Variants in POMGNT2 observed in about 807,000 individuals in gnomAD.
POMGNT2 encodes protein O-linked-mannose beta-1,4-N-acetylglucosaminyltransferase 2.
A neutral mutation model predicts 37.8 loss-of-function variants in POMGNT2; 32 were observed. That is an observed-to-expected ratio of 0.85 (90% CI 0.64 to 1.14). POMGNT2 has a LOEUF of 1.14. Among genes scored for constraint, POMGNT2 ranks in the 50% most tolerant of loss-of-function variants. The pLI is 0.00. For missense variants in POMGNT2, 705 were observed against 780.6 expected (o/e 0.90, Z 1.15); for synonymous variants, 340 against 336.8 (o/e 1.01, Z -0.10).
Position 43,081,339 on chromosome 3 carries a change from T to C in POMGNT2, c.93A>G (p.Thr31=), listed in dbSNP as rs1481972685. 2 of 1,610,746 alleles carry C rather than the reference T, an allele frequency of 1.2e-6. No individual in the cohort carries two copies. Among genetic ancestry groups the C allele is most frequent in the East Asian group, 2.2e-5 (1 of 44,878 alleles). ...GGCTGAGGGCCAGCTCCTCCTCCAGTGTGGCTGCATGCTCACGCAGCCGCA... is the reference window on the plus strand; with the variant it reads ...GGCTGAGGGCCAGCTCCTCCTCCAGCGTGGCTGCATGCTCACGCAGCCGCA... ...KHVRLREHAA[T]LEEELALSRQ... The change falls in exon 2 of 2, where the codon ACA becomes ACG. Residue 31 remains threonine, a synonymous_variant. Coordinates refer to ENST00000344697, the MANE Select transcript of POMGNT2 (RefSeq NM_032806.6).
At chr3:43,093,829 T>A (rs192785319) in intron 1 of POMGNT2, among the ~76,000 whole-genome samples, 3 of 152,240 alleles carry the variant, frequency 2.0e-5, no homozygotes, top group Non-Finnish European at 4.4e-5. Flanking sequence ...TCACTCCCCA[T>A]TCATGTTTAC....
chr3:43,080,586 G>A lies in POMGNT2; in HGVS notation c.846C>T (p.Val282=), dbSNP rs761657478. Residue 282 remains valine, a synonymous_variant, in exon 2 of 2, where the codon GTC becomes GTT. Transcript: ENST00000344697. ...TEKLNVSHTG[V]PLGEEYILVF... ...CCAGAATGTACTCCTCGCCTAGGGG[G>A]ACTCCTGTGTGGCTCACGTTCAGCT... 3 of 1,614,246 alleles carry A rather than the reference G, an allele frequency of 1.9e-6. No individual in the cohort carries two copies. The highest frequency in any genetic ancestry group is 1.1e-5 in the South Asian group (1 of 91,082).
At chr3:43,089,335 A>T (rs1338688929) in intron 1 of POMGNT2, among the ~76,000 whole-genome samples, 1 of 152,194 alleles carries the variant, frequency 6.6e-6, no homozygotes, top group Non-Finnish European at 1.5e-5. Context: ...AACAGTACAA[A>T]GGCAGGGGCT....
At chr3:43,105,011 G>C (rs1465363746) in intron 1 of POMGNT2, among the ~76,000 whole-genome samples, 2 of 152,196 alleles carry the variant, frequency 1.3e-5, no homozygotes, top group Non-Finnish European at 2.9e-5. Context: ...TATGCTCTTA[G>C]CTACTAAGTC....
chr3:43,081,402 G>C lies in POMGNT2; in HGVS notation c.30C>G (p.Leu10=). 2 of 1,594,868 alleles carry C rather than the reference G, an allele frequency of 1.3e-6. No individual in the cohort carries two copies. MHLSAVFNA[L]LVSVLAAVLW... Reference sequence around the variant, plus strand: ...GGACCGCTGCCAGCACCGACACCAGGAGGGCGTTGAACACCGCCGAGAGGT... The same window carrying C: ...GGACCGCTGCCAGCACCGACACCAGCAGGGCGTTGAACACCGCCGAGAGGT... Residue 10 remains leucine, a synonymous_variant, in exon 2 of 2, where the codon CTC becomes CTG. Transcript: ENST00000344697.
At chr3:43,084,438 G>C (rs1273022856) in intron 1 of POMGNT2, among the ~76,000 whole-genome samples, 4 of 152,118 alleles carry the variant, frequency 2.6e-5, no homozygotes, top group African/African-American at 9.7e-5. Flanking sequence ...GAGGTCAGGA[G>C]TTCGAGACCA....
chr3:43,103,696 A>G (rs2090035849), intron 1 of POMGNT2, among the ~76,000 whole-genome samples: 1 of 152,204 alleles, frequency 6.6e-6, no homozygotes, highest in Non-Finnish European at 1.5e-5. Context: ...ACTGGGCTTC[A>G]AGAATGCAAG....
At chr3:43,090,967 A>G (rs917889825) in intron 1 of POMGNT2, among the ~76,000 whole-genome samples, 1 of 152,252 alleles carries the variant, frequency 6.6e-6, no homozygotes, top group African/African-American at 2.4e-5. Context: ...TGTATACACA[A>G]AATATCAAGG....
At chr3:43,103,211 A>C (rs1305165790) in intron 1 of POMGNT2, among the ~76,000 whole-genome samples, 1 of 152,174 alleles carries the variant, frequency 6.6e-6, no homozygotes, top group African/African-American at 2.4e-5. Context: ...CTGGAGAGGC[A>C]GTGTGAGCTC....
rs761657478 is a variant in POMGNT2 at position 43,080,586 on chromosome 3, G to C, written c.846C>G (p.Val282=). 1.2e-6 allele frequency: 2 copies of C among 1,614,128 alleles called. No individual in the cohort carries two copies. Among genetic ancestry groups the C allele is most frequent in the African/African-American group, 1.3e-5 (1 of 74,944 alleles). ...TEKLNVSHTG[V]PLGEEYILVF... ...CCAGAATGTACTCCTCGCCTAGGGG[G>C]ACTCCTGTGTGGCTCACGTTCAGCT... The change falls in exon 2 of 2, where the codon GTC becomes GTG. Residue 282 remains valine (V), a synonymous_variant. Coordinates refer to ENST00000344697, the MANE Select transcript of POMGNT2 (RefSeq NM_032806.6).
chr3:43,090,532 C>T, intron 1 of POMGNT2: 1 of 152,090 alleles, frequency 6.6e-6, no homozygotes, highest in East Asian at 1.9e-4. Context: ...AGAGAGGACA[C>T]CTGCGTGCCC....
In POMGNT2 at chr3:43,079,616, CA is replaced by C. The variant is rs1172327576; in HGVS notation, c.*72del. 1 of 1,359,444 alleles carries C rather than the reference CA, an allele frequency of 7.4e-7. No individual in the cohort carries two copies. The highest frequency in any genetic ancestry group is 1.0e-6 in the Non-Finnish European group (1 of 980,674). 84.2% of individuals were successfully genotyped at this position (1,359,444 alleles called of 1,614,324 possible). On this transcript the variant is annotated 3_prime_UTR_variant, in exon 2 of 2. Transcript: ENST00000344697. ...AATAAATAGTTCCCAGAAGTCTCCACAGTGGGATTAATGGGCCCAGGGACGC... is the reference window on the plus strand; with the variant it reads ...AATAAATAGTTCCCAGAAGTCTCCACGTGGGATTAATGGGCCCAGGGACGC...
intron 1 of POMGNT2, among the ~76,000 whole-genome samples, chr3:43,100,082 A>G (rs1479738348): frequency 2.6e-5 from 4 of 152,200 alleles, no homozygotes; most frequent in Non-Finnish European, 4.4e-5. Context: ...TTACAAAAAA[A>G]GTTGCATGTA....
At chr3:43,088,039 A>C (rs2089912333) in intron 1 of POMGNT2, 1 of 152,250 alleles carries the variant, frequency 6.6e-6, no homozygotes. Flanking sequence ...TTTGACTTAT[A>C]AGAACCACAA....
At chr3:43,088,693 AAAG>A (rs1453158502) in intron 1 of POMGNT2, among the ~76,000 whole-genome samples, 1 of 152,198 alleles carries the variant, frequency 6.6e-6, no homozygotes, top group Non-Finnish European at 1.5e-5. Flanking sequence ...CTGGACAGAA[AAAG>A]AAGGTGTTGT....
chr3:43,105,138 G>A (rs2090048283), intron 1 of POMGNT2, among the ~76,000 whole-genome samples: 1 of 152,224 alleles, frequency 6.6e-6, no homozygotes, highest in Non-Finnish European at 1.5e-5. Flanking sequence ...TGGTCGCCCT[G>A]CACCTGGTGC....
intron 1 of POMGNT2, among the ~76,000 whole-genome samples, chr3:43,099,703 G>T (rs2090003814): frequency 6.6e-6 from 1 of 152,100 alleles, no homozygotes; most frequent in Non-Finnish European, 1.5e-5. Flanking sequence ...AAAGCCTTCT[G>T]CAGGGTGACG....
chr3:43,096,194 C>A (rs1321472801), intron 1 of POMGNT2, among the ~76,000 whole-genome samples: 1 of 152,186 alleles, frequency 6.6e-6, no homozygotes, highest in Non-Finnish European at 1.5e-5. Context: ...GGCCCCTCCA[C>A]TGCTCTGGGA....
rs147129872 is a variant in POMGNT2, at chr3:43,080,318, C to T, written c.1114G>A (p.Asp372Asn). ...AGCGTCTTATAGGGAGTGTAGTGGTCGGGATTGACAGCATATGGGAAGAGC... is the reference window on the plus strand; with the variant it reads ...AGCGTCTTATAGGGAGTGTAGTGGTTGGGATTGACAGCATATGGGAAGAGC... ...VELFPYAVNP[D>N]HYTPYKTLAM... The change falls in exon 2 of 2, where the codon GAC (aspartate) becomes AAC (asparagine). Residue 372 changes from aspartate (D) to asparagine (N), a missense_variant. Asp to Asn is a conservative substitution (Grantham distance 23). Coordinates refer to ENST00000344697, the MANE Select transcript of POMGNT2 (RefSeq NM_032806.6). The T allele has an allele frequency of 3.2e-5, 51 of 1,613,988 alleles. No individual in the cohort carries two copies. In the African/African-American group the frequency reaches 3.3e-4, roughly 11 times the overall value.
Sources: allele counts gnomAD v4.1 joint callset (sites outside exome capture counted in the v4.1 genomes callset), GRCh38; gene constraint gnomAD v4.1.1; transcripts MANE v1.5; gene names NCBI Gene and HGNC (gene_info 2026-07-23, HGNC 2026-07-21).